Variants in AKAP17A observed in about 807,000 individuals in gnomAD.
AKAP17A encodes A-kinase anchoring protein 17A, also known as A-kinase anchor protein 17A.
In AKAP17A, 15 loss-of-function variants were observed where a neutral mutation model predicts 52.2. That is an observed-to-expected ratio of 0.29 (90% CI 0.19 to 0.44). The LOEUF (loss-of-function observed/expected upper bound fraction) is 0.44. AKAP17A is among the 20% of genes least tolerant of loss of function. The probability of loss-of-function intolerance (pLI) is 1.00; values close to 1 mark genes in which losing one functional copy is unlikely to be tolerated. For missense variants in AKAP17A, 1,060 were observed against 1,007.0 expected (o/e 1.05, Z -0.71); for synonymous variants, 514 against 424.7 (o/e 1.21, Z -2.58).
chrX:1,593,953 C>T lies in AKAP17A; in HGVS notation c.491C>T (p.Ser164Leu), dbSNP rs774621786. The T allele has an allele frequency of 1.4e-5, 23 of 1,605,190 alleles. No homozygotes were observed. Among genetic ancestry groups the T allele is most frequent in the East Asian group, 4.5e-5 (2 of 44,778 alleles). Residue 164 changes from serine (S) to leucine (L), a missense_variant, in exon 2 of 5, where the codon TCG (serine) becomes TTG (leucine). Physicochemically the swap from Ser to Leu is moderately radical, Grantham distance 145 (BLOSUM62 -2). Transcript: ENST00000313871. ...TGCAAGTGGTTCGCCCTGAAGGAGTCGGGCTCCGAGAAGCCCAGCGAGGAC... is the reference window on the plus strand; with the variant it reads ...TGCAAGTGGTTCGCCCTGAAGGAGTTGGGCTCCGAGAAGCCCAGCGAGGAC... ...LPCKWFALKESGSEKPSEDVL... is the reference protein window; with the variant it reads ...LPCKWFALKELGSEKPSEDVL...
intron 4 of AKAP17A, chrX:1,599,747 G>A (rs1245242159): frequency 3.2e-6 from 2 of 617,348 alleles, no homozygotes; most frequent in East Asian, 2.7e-5. Context: ...GTGGCAGAGA[G>A]TGCAGGGGGC....
rs181087182 is a variant in AKAP17A, at chrX:1,601,624, C to T, written c.*30C>T. 52 of 1,397,396 alleles carry T rather than the reference C, an allele frequency of 3.7e-5. No individual in the cohort carries two copies. Among genetic ancestry groups the T allele is most frequent in the East Asian group, 2.2e-4 (8 of 36,390 alleles). 86.6% of individuals were successfully genotyped at this position (1,397,396 alleles called of 1,614,324 possible). A position where few individuals can be genotyped will look rare whatever the true frequency, so the allele number is the denominator to read the frequency against. On this transcript the variant is annotated 3_prime_UTR_variant, in exon 5 of 5. Coordinates refer to ENST00000313871, the MANE Select transcript of AKAP17A (RefSeq NM_005088.3). ...GGGCACGGCCTCCCCACGGCCTGTCCGGGAAAGACCAGGACCTGCTCGAGC... is the reference window on the plus strand; with the variant it reads ...GGGCACGGCCTCCCCACGGCCTGTCTGGGAAAGACCAGGACCTGCTCGAGC...
rs1435272853 is a variant in AKAP17A, at chrX:1,601,109, G to A, written c.1603G>A (p.Asp535Asn). 1 of 1,613,846 alleles carries A rather than the reference G, an allele frequency of 6.2e-7. No individual in the cohort carries two copies. The highest frequency in any genetic ancestry group is 8.5e-7 in the Non-Finnish European group (1 of 1,179,820). The change falls in exon 5 of 5, where the codon GAT becomes AAT. Residue 535 changes from aspartate (D) to asparagine (N), a missense_variant. Coordinates refer to ENST00000313871, the MANE Select transcript of AKAP17A (RefSeq NM_005088.3). ...VQSSCRVVPE[D>N]GSPEKRCPGG... is the part of the protein sequence containing the mutation. ...GAGCTCCTGTCGTGTGGTCCCCGAG[G>A]ATGGCTCTCCAGAGAAGAGGTGCCC... is the stretch of plus-strand genomic sequence containing the variant.
intron 3 of AKAP17A, among the ~76,000 whole-genome samples, chrX:1,596,029 T>G (rs1932959191): frequency 6.6e-6 from 1 of 152,046 alleles, no homozygotes; most frequent in African/African-American, 2.4e-5. Flanking sequence ...CTTTTTCTTG[T>G]CACACGTCGT....
intron 3 of AKAP17A, among the ~76,000 whole-genome samples, chrX:1,597,935 G>T (rs1376095622): frequency 6.6e-6 from 1 of 152,168 alleles, no homozygotes; most frequent in Non-Finnish European, 1.5e-5. Flanking sequence ...CACACGCAGG[G>T]CCGTACTTGT....
In AKAP17A at chrX:1,601,014, C is replaced by G. The variant is rs1933342095; in HGVS notation, c.1508C>G (p.Pro503Arg). 1 of 1,609,532 alleles carries G rather than the reference C, an allele frequency of 6.2e-7. No individual in the cohort carries two copies. Among genetic ancestry groups the G allele is most frequent in the South Asian group, 1.1e-5 (1 of 90,760 alleles). Residue 503 changes from proline (P) to arginine (R), a missense_variant, in exon 5 of 5, where the codon CCA (proline) becomes CGA (arginine). By Grantham distance (103) the Pro-to-Arg change is moderately radical. Coordinates refer to ENST00000313871, the MANE Select transcript of AKAP17A (RefSeq NM_005088.3). ...GCCCCCAAGGAGAGCCCGGCCCACC[C>G]AGAGGCCGACGGCGCTCCCAAAAGC... Reference protein sequence around the residue: ...AGAPKESPAHPEADGAPKSVN... With the variant: ...AGAPKESPAHREADGAPKSVN...
rs1368347780 is a variant in AKAP17A, at chrX:1,601,288, G to T, written c.1782G>T (p.Gly594=). 11 of 1,611,116 alleles carry T rather than the reference G, an allele frequency of 6.8e-6. No individual in the cohort carries two copies. The highest frequency in any genetic ancestry group is 8.5e-6 in the Non-Finnish European group (10 of 1,179,152). The part of the protein sequence containing the change: ...SKGRGRATGD[G]LADRHKRERS... ...GCCGGGGCCGGGCCACCGGAGACGG[G>T]CTTGCTGACCGGCACAAGCGGGAGA... The change falls in exon 5 of 5, where the codon GGG becomes GGT. Residue 594 remains glycine, a synonymous_variant. Transcript: ENST00000313871.
At position 1,593,606 on chromosome X, in the gene AKAP17A, C is replaced by T. The variant is rs1329568557; in HGVS notation, c.144C>T (p.Asn48=). Reference sequence around the variant, plus strand: ...AGCAGCCGGGGAAGTCCATCTCCAACTGGGAGGTGATGGAGAGGCTGAAGG... The same window carrying T: ...AGCAGCCGGGGAAGTCCATCTCCAATTGGGAGGTGATGGAGAGGCTGAAGG... ...QLKQPGKSIS[N]WEVMERLKGM... is the part of the protein sequence containing the mutation. Residue 48 remains asparagine (N), a synonymous_variant, in exon 2 of 5, where the codon AAC becomes AAT. Transcript: ENST00000313871. 37 of 1,613,736 alleles carry T rather than the reference C, an allele frequency of 2.3e-5. No homozygotes were observed. Among genetic ancestry groups the T allele is most frequent in the Non-Finnish European group, 2.8e-5 (33 of 1,179,866 alleles).
rs145910092 is a variant in AKAP17A at position 1,601,280 on chromosome X, G to A, written c.1774G>A (p.Gly592Arg). ...CAGCAAGGGCCGGGGCCGGGCCACCGGAGACGGGCTTGCTGACCGGCACAA... is the reference window on the plus strand; with the variant it reads ...CAGCAAGGGCCGGGGCCGGGCCACCAGAGACGGGCTTGCTGACCGGCACAA... ...EPSKGRGRATGDGLADRHKRE... is the reference protein window; with the variant it reads ...EPSKGRGRATRDGLADRHKRE... The change falls in exon 5 of 5, where the codon GGA (glycine) becomes AGA (arginine). Residue 592 changes from glycine to arginine, a missense_variant. By Grantham distance (125) the Gly-to-Arg change is moderately radical (BLOSUM62 -2). Around this residue, in one of 2 missense-constraint regions of AKAP17A, gnomAD observed 793 missense variants for 629.9 expected, o/e 1.26. Transcript: ENST00000313871. 1.6e-5 allele frequency: 26 copies of A among 1,611,936 alleles called. No individual in the cohort carries two copies. Among genetic ancestry groups the A allele is most frequent in the East Asian group, 6.7e-5 (3 of 44,862 alleles).
Position 1,601,464 on chromosome X carries a change from A to G in AKAP17A, c.1958A>G (p.Asp653Gly), listed in dbSNP as rs1933378383. 1.3e-6 allele frequency: 2 copies of G among 1,573,596 alleles called. No homozygotes were observed. The highest frequency in any genetic ancestry group is 1.8e-5 in the Admixed American group (1 of 55,782). The stretch of plus-strand genomic sequence containing the variant: ...CGGTCCCGGAGGTCCCACAGCAAAG[A>G]CAGGCACCGGAGGGAGCGGAGCCGG... ...HTRSRRSHSK[D>G]RHRRERSRER... Residue 653 changes from aspartate to glycine, a missense_variant, in exon 5 of 5, where the codon GAC becomes GGC. By Grantham distance (94) the Asp-to-Gly change is moderately conservative (BLOSUM62 -1). Around this residue, in one of 2 missense-constraint regions of AKAP17A, gnomAD observed 793 missense variants for 629.9 expected, o/e 1.26. Coordinates refer to ENST00000313871, the MANE Select transcript of AKAP17A (RefSeq NM_005088.3).
Position 1,593,702 on chromosome X carries a change from G to A in AKAP17A, c.240G>A (p.Glu80=). ...SKSTMDFIRF[E]GEVENKSLVK... The stretch of plus-strand genomic sequence containing the variant: ...GCACCATGGACTTCATCCGCTTCGA[G>A]GGGGAGGTGGAGAACAAGAGCCTGG... Residue 80 remains glutamate (E), a synonymous_variant, in exon 2 of 5, where the codon GAG becomes GAA. Coordinates refer to ENST00000313871, the MANE Select transcript of AKAP17A (RefSeq NM_005088.3). 2 of 1,613,990 alleles carry A rather than the reference G, an allele frequency of 1.2e-6. No individual in the cohort carries two copies. Among genetic ancestry groups the A allele is most frequent in the African/African-American group, 1.3e-5 (1 of 75,054 alleles).
intron 3 of AKAP17A, among the ~76,000 whole-genome samples, chrX:1,598,496 A>G (rs1449351813): frequency 5.3e-5 from 8 of 152,154 alleles, no homozygotes; most frequent in Non-Finnish European, 1.2e-4. Context: ...CCATAGGAAC[A>G]GCTGCGACTT....
chrX:1,599,759 G>A (rs750761276), intron 4 of AKAP17A: 12 of 609,882 alleles, frequency 2.0e-5, no homozygotes, highest in South Asian at 8.0e-5. Flanking sequence ...GCAGGGGGCC[G>A]CTCCCTCTGG....
intron 1 of AKAP17A, among the ~76,000 whole-genome samples, chrX:1,592,618 G>A (rs1321702132): frequency 6.6e-6 from 1 of 152,126 alleles, no homozygotes; most frequent in Non-Finnish European, 1.5e-5. Flanking sequence ...CGAGGAGGCC[G>A]TCTCCTGGGC....
intron 4 of AKAP17A, chrX:1,599,943 A>G: frequency 2.1e-6 from 1 of 478,050 alleles, no homozygotes; most frequent in Non-Finnish European, 3.8e-6. Flanking sequence ...GGTACTGACG[A>G]CCCCCTCAGC....
In AKAP17A at chrX:1,599,941, C is replaced by T. The variant is rs368692318; in HGVS notation, c.1152+509C>T. 1.6e-4 allele frequency: 76 copies of T among 486,040 alleles called. 2 individuals are homozygous for T. Among genetic ancestry groups the T allele is most frequent in the South Asian group, 1.3e-3 (68 of 50,712 alleles). 30.1% of individuals were successfully genotyped at this position (486,040 alleles called of 1,614,324 possible). A position where few individuals can be genotyped will look rare whatever the true frequency, so the allele number is the denominator to read the frequency against. On this transcript the variant is annotated intron_variant, in intron 4 of 4. Coordinates refer to ENST00000313871, the MANE Select transcript of AKAP17A (RefSeq NM_005088.3). The stretch of plus-strand genomic sequence containing the variant: ...CAGGTCTCACCAGCGCCGGTACTGA[C>T]GACCCCCTCAGCACCAAGAGCCTCC...
chrX:1,596,799 T>C (rs754901970), intron 3 of AKAP17A, among the ~76,000 whole-genome samples: 1 of 72,906 alleles, frequency 1.4e-5, no homozygotes, highest in African/African-American at 6.1e-5. Flanking sequence ...TCCCTCCCGC[T>C]GTGCCCTCCT....
chrX:1,598,453 G>A (rs779062408), intron 3 of AKAP17A, among the ~76,000 whole-genome samples: 31 of 152,246 alleles, frequency 2.0e-4, no homozygotes, highest in South Asian at 4.1e-4. Context: ...GCGCCCACCC[G>A]GGCTTCAGAA....
Position 1,593,888 on chromosome X carries a change from G to A in AKAP17A, c.426G>A (p.Pro142=), listed in dbSNP as rs147652517. ...CCAAGGACATGAACGAGACCCTGCC[G>A]GGGGAGCGGCCGGACACCATCCACC... ...RDAKDMNETL[P]GERPDTIHLE... is the part of the protein sequence containing the mutation. Residue 142 remains proline, a synonymous_variant, in exon 2 of 5, where the codon CCG becomes CCA. Coordinates refer to ENST00000313871, the MANE Select transcript of AKAP17A (RefSeq NM_005088.3). 2.5e-4 allele frequency: 401 copies of A among 1,612,166 alleles called. 1 individual carries two copies. In the African/African-American group the frequency reaches 4.3e-3, roughly 17 times the overall value.
Sources: allele counts gnomAD v4.1 joint callset (sites outside exome capture counted in the v4.1 genomes callset), GRCh38; gene constraint gnomAD v4.1.1; regional missense constraint gnomAD v4.1.1; transcripts MANE v1.5; gene names NCBI Gene and HGNC (gene_info 2026-07-23, HGNC 2026-07-21).